The following HYDIN variants were observed in gnomAD, a reference collection of about 807,000 sequenced individuals.
HYDIN encodes axonemal central pair apparatus protein HYDIN.
In HYDIN, 132 loss-of-function variants were observed where a neutral mutation model predicts 403.9. The observed-to-expected ratio is 0.33, with a 90% confidence interval of 0.28 to 0.38. The LOEUF (loss-of-function observed/expected upper bound fraction) is 0.38, where lower values mean the gene tolerates loss of function less well. HYDIN is among the 10% of genes least tolerant of loss of function. The pLI, the probability that HYDIN is intolerant of heterozygous loss-of-function variation, is 1.00. For missense variants in HYDIN, 2,827 were observed against 5,009.5 expected (o/e 0.56, Z 13.15); for synonymous variants, 1,202 against 1,891.7 (o/e 0.64, Z 9.46).
intron 44 of HYDIN, among the ~76,000 whole-genome samples, chr16:70,937,669 CAA>C (rs55658404): frequency 1.9e-4 from 15 of 80,932 alleles, no homozygotes; most frequent in African/African-American, 4.3e-4. Context: ...GAGTCTGTCT[CAA>C]AAAAAAAAAA....
intron 1 of HYDIN, among the ~76,000 whole-genome samples, chr16:71,194,287 T>C (rs2144687526): frequency 6.6e-6 from 1 of 152,280 alleles, no homozygotes; most frequent in East Asian, 1.9e-4. Context: ...GGCACGGGCC[T>C]GTAATCCCAG....
chr16:70,838,527 C>A (rs948597745), intron 76 of HYDIN, among the ~76,000 whole-genome samples: 1 of 152,044 alleles, frequency 6.6e-6, no homozygotes, highest in African/African-American at 2.4e-5. Flanking sequence ...GTTTTCTACA[C>A]GAGGGTTTTG....
chr16:70,809,733 C>A (rs773898404), intron 85 of HYDIN, 50 bp downstream of exon 85: 1 of 1,412,002 alleles, frequency 7.1e-7, no homozygotes, highest in Non-Finnish European at 1.0e-6. Context: ...TGTTTTTGAA[C>A]CCAGCGTTCA....
chr16:70,813,453 C>T (rs957335369), intron 84 of HYDIN, among the ~76,000 whole-genome samples: 1 of 152,044 alleles, frequency 6.6e-6, no homozygotes, highest in African/African-American at 2.4e-5. Context: ...CCCAGTCATG[C>T]TTCGAGATGA....
chr16:70,899,090 C>T (rs1429637907), intron 53 of HYDIN, among the ~76,000 whole-genome samples: 1 of 150,674 alleles, frequency 6.6e-6, no homozygotes, highest in Non-Finnish European at 1.5e-5. Flanking sequence ...TACTAAAACT[C>T]AATGGCATTC....
At chr16:70,853,949 G>A (rs1387772197) in intron 73 of HYDIN, among the ~76,000 whole-genome samples, 2 of 132,100 alleles carry the variant, frequency 1.5e-5, no homozygotes, top group East Asian at 2.1e-4. Flanking sequence ...AGGTAATCTT[G>A]GCTCACTGCA....
At chr16:71,192,691 G>A (rs1567433868) in intron 1 of HYDIN, among the ~76,000 whole-genome samples, 1 of 152,088 alleles carries the variant, frequency 6.6e-6, no homozygotes, top group Non-Finnish European at 1.5e-5. Flanking sequence ...TGATCTCACA[G>A]GTCCTCGTGC....
At chr16:71,193,654 GT>G (rs1354269503) in intron 1 of HYDIN, among the ~76,000 whole-genome samples, 1 of 152,172 alleles carries the variant, frequency 6.6e-6, no homozygotes, top group Non-Finnish European at 1.5e-5. Context: ...CAAATTTAGA[GT>G]AGACTGCAGC....
intron 75 of HYDIN, among the ~76,000 whole-genome samples, chr16:70,846,898 G>T (rs1215660807): frequency 3.0e-3 from 371 of 123,840 alleles, no homozygotes; most frequent in Non-Finnish European, 4.9e-3. Flanking sequence ...TGGCTTGGTA[G>T]ATCTTCCTCC....
At chr16:71,009,623 G>A (rs888524160) in intron 23 of HYDIN, among the ~76,000 whole-genome samples, 7 of 151,974 alleles carry the variant, frequency 4.6e-5, no homozygotes, top group East Asian at 1.9e-4. Flanking sequence ...CTTTGCAGAT[G>A]TGATTAAGTT....
At chr16:70,938,929 C>T (rs913347072) in intron 43 of HYDIN, among the ~76,000 whole-genome samples, 174 bp from the exon 44 acceptor site, 3 of 152,118 alleles carry the variant, frequency 2.0e-5, no homozygotes, top group Non-Finnish European at 4.4e-5. Context: ...CACATTTGGG[C>T]TCTGTCTGCA....
chr16:70,919,435 G>A (rs2076932016), intron 46 of HYDIN, among the ~76,000 whole-genome samples: 1 of 151,916 alleles, frequency 6.6e-6, no homozygotes, highest in Non-Finnish European at 1.5e-5. Flanking sequence ...TCCCGCCTGT[G>A]GTGCCACCCG....
At position 70,974,247 on chromosome 16, in the gene HYDIN, T is replaced by C; in HGVS notation, c.4963A>G (p.Ile1655Val). 6.2e-7 allele frequency: 1 copy of C among 1,610,272 alleles called. No homozygotes were observed. Among genetic ancestry groups the C allele is most frequent in the Non-Finnish European group, 8.5e-7 (1 of 1,178,104 alleles). The change falls in exon 33 of 86, where the codon ATA becomes GTA. Residue 1655 changes from isoleucine (I) to valine (V), a missense_variant. By Grantham distance (29) the Ile-to-Val change is conservative. Transcript: ENST00000393567. Reference sequence around the variant, plus strand: ...TGTGGGTCAAATCTCACTTCAAATATTTCCGTTTCACAATGAGGTAGATTC... The same window carrying C: ...TGTGGGTCAAATCTCACTTCAAATACTTCCGTTTCACAATGAGGTAGATTC... ...VKNLPHCETE[I>V]FEVRFDPQGA...
intron 83 of HYDIN, among the ~76,000 whole-genome samples, chr16:70,821,308 TG>T (rs2036244282): frequency 1.3e-5 from 2 of 152,166 alleles, no homozygotes; most frequent in African/African-American, 4.8e-5. Flanking sequence ...TCTTGCAGAC[TG>T]GAGTTCCCAT....
At position 71,115,697 on chromosome 16, in the gene HYDIN, T is replaced by C. The variant is rs1210105143; in HGVS notation, c.1326A>G (p.Leu442=). The C allele has an allele frequency of 4.9e-6, 4 of 822,798 alleles. No homozygotes were observed. The highest frequency in any genetic ancestry group is 4.6e-5 in the South Asian group (3 of 65,500). 51.0% of individuals were successfully genotyped at this position (822,798 alleles called of 1,614,324 possible). A position where few individuals can be genotyped will look rare whatever the true frequency, so the allele number is the denominator to read the frequency against. ...LYQQTIYCDI[L]GREIRLPLRI... ...TTACCACTTGGAGGAGGTCACTACC[T>C]AAAATGTCGCAGTAAATGGTCTGTT... Residue 442 remains leucine (L), a splice_region_variant and synonymous_variant, in exon 10 of 86, where the codon TTA becomes TTG. Transcript: ENST00000393567.
rs1255363240 is a variant in HYDIN at position 70,938,894 on chromosome 16, G to A, written c.6854-139C>T. Reference sequence around the variant, plus strand: ...GCCTCATCCCTGATTGCAGGGGTGGGGGGGTCCCTTCATCCATGCACTTCC... The same window carrying A: ...GCCTCATCCCTGATTGCAGGGGTGGAGGGGTCCCTTCATCCATGCACTTCC... On this transcript the variant is annotated intron_variant, in intron 43 of 85. Transcript: ENST00000393567. The A allele has an allele frequency of 1.6e-5, 10 of 642,468 alleles. No individual in the cohort carries two copies. The East Asian group carries it at 1.9e-4, about 12-fold the overall frequency. The allele number at this position is 642,468 out of a possible 1,614,324, so 39.8% of individuals were successfully genotyped here. A position where few individuals can be genotyped will look rare whatever the true frequency, so the allele number is the denominator to read the frequency against.
chr16:71,085,866 G>C (rs547256621), intron 12 of HYDIN, among the ~76,000 whole-genome samples: 2,620 of 152,048 alleles, frequency 0.017, 25 homozygotes, highest in African/African-American at 0.059. Context: ...GTGGTATCTT[G>C]TAAAAAGCAT....
At chr16:71,210,426 T>G (rs1472539424) in intron 1 of HYDIN, among the ~76,000 whole-genome samples, 1 of 152,092 alleles carries the variant, frequency 6.6e-6, no homozygotes, top group Non-Finnish European at 1.5e-5. Context: ...CCAGATACCG[T>G]CTGTTCTCAC....
chr16:70,823,944 G>GATA (rs1254547829), intron 83 of HYDIN, among the ~76,000 whole-genome samples: 1 of 146,992 alleles, frequency 6.8e-6, no homozygotes, highest in Non-Finnish European at 1.5e-5. Context: ...AGAGAACCAG[G>GATA]ATAATCATGG....
Sources: gnomAD v4.1 joint callset for allele counts (sites outside exome capture counted in the v4.1 genomes callset) on GRCh38, gnomAD v4.1.1 for gene constraint, MANE v1.5 for transcripts, NCBI Gene and HGNC (gene_info 2026-07-23, HGNC 2026-07-21) for gene names.